VLDLR: variants seen among roughly 807,000 people sequenced by gnomAD.
VLDLR encodes the protein very low density lipoprotein receptor, also known as very low-density lipoprotein receptor.
In VLDLR, 81 loss-of-function variants were observed where a neutral mutation model predicts 112.7. The ratio of observed to expected loss-of-function variants is 0.72; its 90% confidence interval spans 0.60 to 0.86. VLDLR has a LOEUF of 0.86. Ranked by LOEUF, VLDLR falls within the 40% of genes least tolerant of loss-of-function variation. The pLI is 0.00. For missense variants in VLDLR, 1,237 were observed against 1,099.4 expected, an observed-to-expected ratio of 1.13 and a Z score of -1.77; for synonymous variants, 436 against 384.8, an observed-to-expected ratio of 1.13 and a Z score of -1.56.
chr9:2,635,863 A>T (rs1337548633), intron 2 of VLDLR, among the ~76,000 whole-genome samples: 1 of 152,168 alleles, frequency 6.6e-6, no homozygotes, highest in African/African-American at 2.4e-5. Flanking sequence ...AATAGAGACA[A>T]ACAGAAGATT....
rs529847752 is a variant in VLDLR, at chr9:2,653,736, TTGAA to T, written c.2587-93_2587-90del. The T allele has an allele frequency of 1.0e-4, 132 of 1,313,156 alleles. No homozygotes were observed. The African/African-American group carries it at 1.7e-3, about 17-fold the overall frequency. The allele number at this position is 1,313,156 out of a possible 1,614,324, so 81.3% of individuals were successfully genotyped here. ...CTTTTCTTCTAAGCACTCTGAGTGT[TTGAA>T]TGACCAACTCAAAAGCAAGGTCCAT... On this transcript the variant is annotated intron_variant, in intron 18 of 18. Transcript: ENST00000382100.
intron 14 of VLDLR, among the ~76,000 whole-genome samples, chr9:2,649,859 G>A (rs1328124021): frequency 6.6e-6 from 1 of 152,160 alleles, no homozygotes; most frequent in Non-Finnish European, 1.5e-5. Context: ...TTCCCCCTGT[G>A]ACACACCTGA....
chr9:2,631,527 T>A (rs369089371), intron 1 of VLDLR, among the ~76,000 whole-genome samples: 17 of 152,220 alleles, frequency 1.1e-4, no homozygotes, highest in African/African-American at 4.1e-4. Flanking sequence ...GGGGATGGAA[T>A]TGGAGGTCAT....
Position 2,657,282 on chromosome 9 carries a change from G to T in VLDLR, c.*3414G>T, listed in dbSNP as rs1396822362. The T allele has an allele frequency of 6.6e-6, 1 of 152,154 alleles. No homozygotes were observed. The highest frequency in any genetic ancestry group is 2.4e-5 in the African/African-American group (1 of 41,436). The allele number at this position is 152,154 out of a possible 1,614,324, so 9.4% of individuals were successfully genotyped here. A position where few individuals can be genotyped will look rare whatever the true frequency, so the allele number is the denominator to read the frequency against. On this transcript the variant is annotated 3_prime_UTR_variant, in exon 19 of 19. Coordinates refer to ENST00000382100, the MANE Select transcript of VLDLR (RefSeq NM_003383.5). ...TTTATTATTTTGAATCCAAATGAAA[G>T]CTATACTGTTTGCTTTCAATGGTGG...
intron 1 of VLDLR, among the ~76,000 whole-genome samples, chr9:2,626,005 T>C (rs1020285941): frequency 6.6e-6 from 1 of 152,254 alleles, no homozygotes; most frequent in Non-Finnish European, 1.5e-5. Flanking sequence ...TTTGCTAAGT[T>C]CGTCTATTGG....
In VLDLR at chr9:2,644,879, C is replaced by T. The variant is rs764995652; in HGVS notation, c.1186+26C>T. On this transcript the variant is annotated intron_variant, in intron 8 of 18. Transcript: ENST00000382100. The stretch of plus-strand genomic sequence containing the variant: ...GTGAGTCTAAGAAGAAAACCTGGAC[C>T]CTGCAGGTGATGGGAAAGGATAGTA... The T allele has an allele frequency of 4.4e-5, 71 of 1,613,872 alleles. No individual in the cohort carries two copies. The Admixed American group carries it at 1.1e-3, about 26-fold the overall frequency.
intron 1 of VLDLR, among the ~76,000 whole-genome samples, chr9:2,634,891 G>A (rs1199495532): frequency 6.6e-6 from 1 of 152,152 alleles, no homozygotes; most frequent in East Asian, 1.9e-4. Context: ...CATCATTAAT[G>A]GATAATAGTA....
intron 1 of VLDLR, among the ~76,000 whole-genome samples, chr9:2,626,654 A>G (rs4741747): frequency 0.65 from 99,239 of 152,050 alleles, 33,379 homozygotes; most frequent in African/African-American, 0.8. Context: ...CTATAAGATG[A>G]AGCCTCTGGC....
chr9:2,648,044 G>A (rs1214643164), intron 12 of VLDLR, among the ~76,000 whole-genome samples, 164 bp from the exon 13 acceptor site: 1 of 152,184 alleles, frequency 6.6e-6, no homozygotes, highest in East Asian at 1.9e-4. Flanking sequence ...AAATGAACGT[G>A]GATACAGGCT....
chr9:2,639,136 G>A (rs1453560884), intron 2 of VLDLR, among the ~76,000 whole-genome samples: 2 of 152,316 alleles, frequency 1.3e-5, no homozygotes, highest in East Asian at 1.9e-4. Context: ...ATAAGTGGGT[G>A]GCTGAAACAA....
At chr9:2,647,366 A>G in intron 11 of VLDLR, 108 bp from the exon 12 acceptor site, 1 of 848,228 alleles carries the variant, frequency 1.2e-6, no homozygotes, top group Non-Finnish European at 2.0e-6. Flanking sequence ...ATTTGTCACT[A>G]GAGAATGCCT....
intron 1 of VLDLR, 34 bp downstream of exon 1, chr9:2,622,305 G>A: frequency 7.0e-7 from 1 of 1,437,986 alleles, no homozygotes; most frequent in Non-Finnish European, 9.1e-7. Context: ...CCGGCGGGCG[G>A]GACCCAGCCG....
Position 2,660,031 on chromosome 9 carries a change from T to G in VLDLR, c.*6163T>G, listed in dbSNP as rs961389936. On this transcript the variant is annotated 3_prime_UTR_variant, in exon 19 of 19. Coordinates refer to ENST00000382100, the MANE Select transcript of VLDLR (RefSeq NM_003383.5). ...TTTTTTTACTAATGAACTGTACATTTAAATAAAAGTTTATTTTTGGGATAA... is the reference window on the plus strand; with the variant it reads ...TTTTTTTACTAATGAACTGTACATTGAAATAAAAGTTTATTTTTGGGATAA... 6.7e-6 allele frequency: 1 copy of G among 149,008 alleles called. No individual in the cohort carries two copies. The highest frequency in any genetic ancestry group is 2.5e-5 in the African/African-American group (1 of 39,400). The allele number at this position is 149,008 out of a possible 1,614,324, so 9.2% of individuals were successfully genotyped here. A position where few individuals can be genotyped will look rare whatever the true frequency, so the allele number is the denominator to read the frequency against.
intron 9 of VLDLR, 33 bp from the exon 10 acceptor site, chr9:2,645,541 C>G (rs1818029920): frequency 3.1e-6 from 5 of 1,613,992 alleles, no homozygotes; most frequent in African/African-American, 2.7e-5. Flanking sequence ...CTTCTTAAAG[C>G]AAAACTAAGT....
chr9:2,647,413 G>A (rs1359169660), intron 11 of VLDLR, 61 bp from the exon 12 acceptor site: 2 of 1,460,844 alleles, frequency 1.4e-6, no homozygotes, highest in Admixed American at 3.3e-5. Flanking sequence ...TTTGTTTCCA[G>A]CTACTACAAC....
rs1210724273 is a variant in VLDLR, at chr9:2,647,542, G to C, written c.1772G>C (p.Arg591Thr). The C allele has an allele frequency of 6.2e-7, 1 of 1,614,192 alleles. No homozygotes were observed. The highest frequency in any genetic ancestry group is 8.5e-7 in the Non-Finnish European group (1 of 1,180,020). ...IEKAGMNGFD[R>T]RPLVTADIQW... ...AAAGCAGGAATGAATGGATTCGATA[G>C]ACGTCCACTGGTGACAGCGGATATC... The change falls in exon 12 of 19, where the codon AGA (arginine) becomes ACA (threonine). Residue 591 changes from arginine (R) to threonine (T), a missense_variant. Transcript: ENST00000382100.
intron 1 of VLDLR, among the ~76,000 whole-genome samples, chr9:2,625,830 C>T (rs1473748817): frequency 6.6e-6 from 1 of 152,204 alleles, no homozygotes; most frequent in East Asian, 1.9e-4. Flanking sequence ...AGTCCAGGGA[C>T]AATTTTTTCT....
chr9:2,627,660 C>G (rs1052720607), intron 1 of VLDLR, among the ~76,000 whole-genome samples: 5 of 151,922 alleles, frequency 3.3e-5, no homozygotes, highest in Non-Finnish European at 5.9e-5. Context: ...GTCAGGAGTT[C>G]GAGACCAGCC....
chr9:2,625,861 C>A (rs918209300), intron 1 of VLDLR, among the ~76,000 whole-genome samples: 4 of 152,228 alleles, frequency 2.6e-5, no homozygotes, highest in Admixed American at 1.3e-4. Context: ...GAGTTTTGGG[C>A]TAGAAAATCT....
Sources: gnomAD v4.1 joint callset for allele counts (sites outside exome capture counted in the v4.1 genomes callset) on GRCh38, gnomAD v4.1.1 for gene constraint, MANE v1.5 for transcripts, NCBI Gene and HGNC (gene_info 2026-07-23, HGNC 2026-07-21) for gene names.